The following CENPC variants were observed in gnomAD, a reference collection of about 807,000 sequenced individuals.
CENPC encodes the protein centromere protein C.
A neutral mutation model predicts 112.1 loss-of-function variants in CENPC; 63 were observed. The ratio of observed to expected loss-of-function variants is 0.56; its 90% CI spans 0.46 to 0.69. CENPC has a LOEUF of 0.69. CENPC is among the 30% of genes least tolerant of loss of function. CENPC has a pLI of 0.00. For synonymous variants in CENPC, 333 were observed against 367.6 expected (o/e 0.91, Z 1.08); for missense variants, 1,000 against 1,103.8 (o/e 0.91, Z 1.33).
At chr4:67,486,968 G>GTTTTTTTTTTTTTTTTTTTT (rs58948980) in intron 17 of CENPC, among the ~76,000 whole-genome samples, 1 of 131,820 alleles carries the variant, frequency 7.6e-6, no homozygotes, top group Non-Finnish European at 1.6e-5. Flanking sequence ...TTGCTTTTAG[G>GTTTTTTTTTTTTTTTTTTTT]TTTTTTTTTT....
chr4:67,520,154 G>A (rs977541321), intron 5 of CENPC, among the ~76,000 whole-genome samples: 2 of 152,242 alleles, frequency 1.3e-5, no homozygotes, highest in African/African-American at 4.8e-5. Context: ...TAAACCCACC[G>A]AAGACCTAAT....
chr4:67,476,556 A>T (rs561182941), intron 17 of CENPC, among the ~76,000 whole-genome samples: 1 of 152,224 alleles, frequency 6.6e-6, no homozygotes, highest in Admixed American at 6.5e-5. Flanking sequence ...ACTTTATCTC[A>T]TAGGGTTCCT....
intron 13 of CENPC, among the ~76,000 whole-genome samples, chr4:67,494,375 C>A (rs1485869890): frequency 6.6e-6 from 1 of 152,194 alleles, no homozygotes; most frequent in Non-Finnish European, 1.5e-5. Context: ...TGCTCTTAGG[C>A]ATAATGCTCA....
intron 17 of CENPC, among the ~76,000 whole-genome samples, chr4:67,480,508 G>A (rs1560418589): frequency 3.3e-5 from 5 of 151,830 alleles, no homozygotes; most frequent in Admixed American, 2.6e-4. Context: ...GATTGAAAAG[G>A]TAATAAAAGA....
intron 1 of CENPC, 39 bp downstream of exon 1, chr4:67,545,299 C>T: frequency 6.9e-7 from 1 of 1,459,034 alleles, no homozygotes; most frequent in Middle Eastern, 1.8e-4. Flanking sequence ...CCCAGCCAGC[C>T]GCTCAACCAC....
chr4:67,476,546 ACTTTATCTCATAGGGTTC>A (rs1157626408), intron 17 of CENPC, among the ~76,000 whole-genome samples: 3 of 152,192 alleles, frequency 2.0e-5, no homozygotes, highest in African/African-American at 7.2e-5. Context: ...GCCATTTCTG[ACTTTATCTCATAGGGTTC>A]CTTGGGGATG....
At chr4:67,543,177 T>C (rs1266180045) in intron 2 of CENPC, among the ~76,000 whole-genome samples, 2 of 152,164 alleles carry the variant, frequency 1.3e-5, no homozygotes, top group Admixed American at 1.3e-4. Flanking sequence ...AAGCCTAACA[T>C]ATCCATTTTA....
In CENPC at chr4:67,506,947, TA is replaced by T; in HGVS notation, c.1905-14del. 6.3e-7 allele frequency: 1 copy of T among 1,589,392 alleles called. No individual in the cohort carries two copies. Among genetic ancestry groups the T allele is most frequent in the Non-Finnish European group, 8.6e-7 (1 of 1,165,844 alleles). On this transcript the variant is annotated splice_polypyrimidine_tract_variant and intron_variant, in intron 10 of 18. Transcript: ENST00000273853. Reference sequence around the variant, plus strand: ...GCTTCTTGTAGATCTATAAAAATGATAAATGTATGAGTGTTTATACTTCTTC... The same window carrying T: ...GCTTCTTGTAGATCTATAAAAATGATAATGTATGAGTGTTTATACTTCTTC...
chr4:67,531,858 C>T (rs557396499), intron 4 of CENPC, among the ~76,000 whole-genome samples: 1 of 152,006 alleles, frequency 6.6e-6, no homozygotes, highest in African/African-American at 2.4e-5. Flanking sequence ...ATGAAAAACA[C>T]CAAAAGCAAT....
In CENPC at chr4:67,545,431, A is replaced by C; in HGVS notation, c.-76T>G. On this transcript the variant is annotated 5_prime_UTR_variant, in exon 1 of 19. Coordinates refer to ENST00000273853, the MANE Select transcript of CENPC (RefSeq NM_001812.4). Reference sequence around the variant, plus strand: ...GACCACAGCTCCAGGAAGCCGAGCAAGAAACGAATCGCCGGAATACCAGGC... The same window carrying C: ...GACCACAGCTCCAGGAAGCCGAGCACGAAACGAATCGCCGGAATACCAGGC... The C allele has an allele frequency of 7.1e-7, 1 of 1,410,522 alleles. No individual in the cohort carries two copies. Among genetic ancestry groups the C allele is most frequent in the Non-Finnish European group, 9.4e-7 (1 of 1,068,310 alleles). 87.4% of individuals were successfully genotyped at this position (1,410,522 alleles called of 1,614,324 possible).
In CENPC at chr4:67,490,079, T is replaced by A. The variant is rs1461163797; in HGVS notation, c.2558A>T (p.His853Leu). The A allele has an allele frequency of 6.2e-7, 1 of 1,609,324 alleles. No homozygotes were observed. The highest frequency in any genetic ancestry group is 2.2e-5 in the East Asian group (1 of 44,732). ...TGTCTTGTATACCTTCAACTCACCA[T>A]GCTTAACAAAAAATTGATATGTATC... ...PQDTYQFFVK[H>L]GELKVYKTLD... is the part of the protein sequence containing the mutation. The change falls in exon 17 of 19, where the codon CAT becomes CTT. Residue 853 changes from histidine (H) to leucine (L), a missense_variant. Coordinates refer to ENST00000273853, the MANE Select transcript of CENPC (RefSeq NM_001812.4).
At chr4:67,483,266 G>A (rs1054421943) in intron 17 of CENPC, among the ~76,000 whole-genome samples, 3 of 151,950 alleles carry the variant, frequency 2.0e-5, no homozygotes, top group Non-Finnish European at 2.9e-5. Context: ...GCTGAGGCAC[G>A]AGAATTGCTT....
intron 17 of CENPC, among the ~76,000 whole-genome samples, chr4:67,482,659 C>G (rs1724986039): frequency 6.6e-6 from 1 of 152,156 alleles, no homozygotes; most frequent in South Asian, 2.1e-4. Context: ...GAAAACCAAA[C>G]ATTGTATGTT....
At chr4:67,545,313 C>A in intron 1 of CENPC, 25 bp downstream of exon 1, 1 of 1,466,756 alleles carries the variant, frequency 6.8e-7, no homozygotes. Flanking sequence ...CAACCACTCG[C>A]CTGGAGCGGG....
At chr4:67,483,459 TTGGTAA>T (rs761610246) in intron 17 of CENPC, among the ~76,000 whole-genome samples, 6 of 152,134 alleles carry the variant, frequency 3.9e-5, no homozygotes, top group East Asian at 1.9e-4. Flanking sequence ...TACAAAACAC[TTGGTAA>T]TGATAATAAA....
chr4:67,509,207 TACACACACACACACACACACAC>T (rs36207189), intron 9 of CENPC, 102 bp from the exon 10 acceptor site: 20 of 486,124 alleles, frequency 4.1e-5, no homozygotes, highest in Middle Eastern at 5.6e-4. Flanking sequence ...CATATACACA[TACACACACACACACACACACAC>T]ACACACACAC....
At chr4:67,497,058 G>C (rs1235924149) in intron 12 of CENPC, among the ~76,000 whole-genome samples, 1 of 152,050 alleles carries the variant, frequency 6.6e-6, no homozygotes, top group Non-Finnish European at 1.5e-5. Flanking sequence ...TGGGAGTCAG[G>C]TTTCTCACTA....
At chr4:67,518,478 C>G in intron 6 of CENPC, 110 bp from the exon 7 acceptor site, 2 of 1,134,986 alleles carry the variant, frequency 1.8e-6, no homozygotes, top group Non-Finnish European at 2.3e-6. Flanking sequence ...AAATTCTGTA[C>G]TAGGCATTTA....
At chr4:67,529,363 C>T (rs983173373) in intron 5 of CENPC, among the ~76,000 whole-genome samples, 12 of 152,018 alleles carry the variant, frequency 7.9e-5, no homozygotes, top group African/African-American at 2.4e-4. Context: ...CTCACTCTGT[C>T]GCCCAGGCTG....
Sources: gnomAD v4.1 joint callset for allele counts (sites outside exome capture counted in the v4.1 genomes callset) on GRCh38, gnomAD v4.1.1 for gene constraint, MANE v1.5 for transcripts, NCBI Gene and HGNC (gene_info 2026-07-23, HGNC 2026-07-21) for gene names.